RALY: variants seen among roughly 807,000 people sequenced by gnomAD.
The protein encoded by RALY is RNA-binding protein Raly.
A neutral mutation model predicts 30.7 loss-of-function variants in RALY; 15 were observed. The ratio of observed to expected loss-of-function variants is 0.49; its 90% confidence interval spans 0.33 to 0.75. RALY has a LOEUF of 0.75. RALY is among the 30% of genes least tolerant of loss of function. The probability of loss-of-function intolerance (pLI) is 0.02; values close to 1 mark genes in which losing one functional copy is unlikely to be tolerated. For missense variants in RALY, 339 were observed against 414.3 expected (o/e 0.82, Z 1.58); for synonymous variants, 177 against 170.8 (o/e 1.04, Z -0.28).
At chr20:34,031,916 G>A (rs1178605776) in intron 2 of RALY, among the ~76,000 whole-genome samples, 1 of 152,072 alleles carries the variant, frequency 6.6e-6, no homozygotes, top group Non-Finnish European at 1.5e-5. Context: ...GGGACCTGGC[G>A]GCTATACCTG....
chr20:34,064,045 C>G (rs975726439), intron 2 of RALY, among the ~76,000 whole-genome samples: 1 of 151,884 alleles, frequency 6.6e-6, no homozygotes, highest in African/African-American at 2.4e-5. Context: ...AATACCTGGC[C>G]CATAATTAGC....
At chr20:34,068,472 C>T (rs1811742946) in intron 2 of RALY, among the ~76,000 whole-genome samples, 2 of 152,184 alleles carry the variant, frequency 1.3e-5, no homozygotes, top group African/African-American at 4.8e-5. Context: ...CACAGCTAGA[C>T]CTTCTGACCA....
intron 2 of RALY, among the ~76,000 whole-genome samples, chr20:34,045,234 G>A (rs1238101523): frequency 6.6e-6 from 1 of 152,070 alleles, no homozygotes; most frequent in Non-Finnish European, 1.5e-5. Context: ...TTTTAATGGG[G>A]AAAACAATGA....
intron 2 of RALY, among the ~76,000 whole-genome samples, chr20:34,054,583 C>A (rs1019928419): frequency 1.3e-5 from 2 of 152,094 alleles, no homozygotes; most frequent in African/African-American, 4.8e-5. Flanking sequence ...CCCAGCACTT[C>A]GGGAGGCTGA....
chr20:34,077,316 G>A, intron 8 of RALY, 71 bp downstream of exon 8: 2 of 1,592,394 alleles, frequency 1.3e-6, no homozygotes, highest in Non-Finnish European at 8.6e-7. Flanking sequence ...ACAGGGGAAT[G>A]GGCAGCCTGA....
intron 1 of RALY, among the ~76,000 whole-genome samples, chr20:34,006,621 T>A (rs1412392302): frequency 6.7e-6 from 1 of 149,342 alleles, no homozygotes; most frequent in East Asian, 1.9e-4. Flanking sequence ...TCTAATATGA[T>A]TGTAATACCA....
Position 34,050,940 on chromosome 20 carries a change from A to G in RALY, c.-10+19336A>G, listed in dbSNP as rs181392863. Among the ~76,000 whole-genome samples, 6 of 152,342 alleles carry G rather than the reference A, an allele frequency of 3.9e-5. No individual in the cohort carries two copies. The East Asian group carries it at 7.7e-4, about 20-fold the overall frequency. ...GCAATTTAGTGTGAGTCTGTCAGACAGCCTAGAGAGTAATCAATACTGAGA... is the reference window on the plus strand; with the variant it reads ...GCAATTTAGTGTGAGTCTGTCAGACGGCCTAGAGAGTAATCAATACTGAGA... On this transcript the variant is annotated intron_variant, in intron 2 of 9. Transcript: ENST00000246194.
intron 1 of RALY, among the ~76,000 whole-genome samples, chr20:34,003,157 C>T (rs535924211): frequency 3.7e-4 from 56 of 152,082 alleles, no homozygotes; most frequent in Non-Finnish European, 6.9e-4. Context: ...GTTGTGCTCC[C>T]GATTTCTTCC....
intron 1 of RALY, among the ~76,000 whole-genome samples, chr20:34,006,408 T>A (rs1352503526): frequency 6.6e-6 from 1 of 152,188 alleles, no homozygotes; most frequent in Non-Finnish European, 1.5e-5. Flanking sequence ...CTCAGTAAAA[T>A]CAAAATCCAG....
At chr20:34,038,936 C>T (rs577595689) in intron 2 of RALY, among the ~76,000 whole-genome samples, 25 of 152,242 alleles carry the variant, frequency 1.6e-4, no homozygotes, top group African/African-American at 5.1e-4. Flanking sequence ...GAGAGTGTGG[C>T]GATCCAGGCT....
chr20:34,056,253 C>A (rs539542752), intron 2 of RALY, among the ~76,000 whole-genome samples: 17 of 152,180 alleles, frequency 1.1e-4, no homozygotes, highest in Non-Finnish European at 2.5e-4. Context: ...TATGCTATTT[C>A]CTCTTAAATG....
At chr20:34,070,351 A>G (rs2033691454) in intron 2 of RALY, among the ~76,000 whole-genome samples, 1 of 152,072 alleles carries the variant, frequency 6.6e-6, no homozygotes, top group Non-Finnish European at 1.5e-5. Context: ...ACTGAAATTG[A>G]GCTTCTCTCC....
intron 8 of RALY, among the ~76,000 whole-genome samples, chr20:34,078,000 T>C (rs1308532992): frequency 6.6e-6 from 1 of 152,260 alleles, no homozygotes; most frequent in Non-Finnish European, 1.5e-5. Context: ...ACTGACTTGC[T>C]GGATCTGCAG....
chr20:34,044,527 T>G (rs1225556284), intron 2 of RALY, among the ~76,000 whole-genome samples: 2 of 151,488 alleles, frequency 1.3e-5, no homozygotes, highest in East Asian at 3.9e-4. Context: ...TCCATGTTGG[T>G]CAGGCTGGTC....
intron 1 of RALY, among the ~76,000 whole-genome samples, chr20:34,000,147 T>C (rs2030846613): frequency 6.6e-6 from 1 of 152,140 alleles, no homozygotes; most frequent in Non-Finnish European, 1.5e-5. Flanking sequence ...GTCCTACAAC[T>C]TCCCCCTGGG....
chr20:34,045,737 CAT>C (rs2032858329), intron 2 of RALY, among the ~76,000 whole-genome samples: 1 of 152,224 alleles, frequency 6.6e-6, no homozygotes, highest in African/African-American at 2.4e-5. Context: ...CATTTGCTCA[CAT>C]GATTTGGTAA....
chr20:34,073,944 T>C, intron 5 of RALY, 78 bp downstream of exon 5: 1 of 1,510,008 alleles, frequency 6.6e-7, no homozygotes, highest in Non-Finnish European at 9.1e-7. Flanking sequence ...TGCAGCCCAC[T>C]GAGTTCTCCA....
chr20:34,077,092 C>A lies in RALY; in HGVS notation c.723C>A (p.Gly241=). The A allele has an allele frequency of 6.2e-7, 1 of 1,604,746 alleles. No homozygotes were observed. Among genetic ancestry groups the A allele is most frequent in the Non-Finnish European group, 8.5e-7 (1 of 1,175,670 alleles). Residue 241 remains glycine, a synonymous_variant, in exon 8 of 10, where the codon GGC becomes GGA. Transcript: ENST00000246194. ...GCGGCGGTGGTGGTGGCAGCGGTGG[C>A]GGTGGCAGTGGTGGTGGCGGTGGCG... ...GGGGGGGGSG[G]GGSGGGGGGG...
At chr20:34,071,328 G>A (rs577219080) in intron 2 of RALY, among the ~76,000 whole-genome samples, 9 of 151,004 alleles carry the variant, frequency 6.0e-5, no homozygotes, top group Admixed American at 4.0e-4. Context: ...TGGCTCTGTC[G>A]CCCAGGCTGG....
Sources: gnomAD v4.1 joint callset for allele counts (sites outside exome capture counted in the v4.1 genomes callset) on GRCh38, gnomAD v4.1.1 for gene constraint, MANE v1.5 for transcripts, NCBI Gene and HGNC (gene_info 2026-07-23, HGNC 2026-07-21) for gene names.